The following NDE1 variants were observed in gnomAD, a reference collection of about 807,000 sequenced individuals.
The protein encoded by NDE1 is nudE neurodevelopment protein 1.
NDE1 carries 28 observed loss-of-function variants against 43.4 expected under a neutral mutation model. The observed-to-expected ratio is 0.65, with a 90% confidence interval of 0.48 to 0.89. The LOEUF (loss-of-function observed/expected upper bound fraction) is 0.89. Among genes scored for constraint, NDE1 ranks in the 40% least tolerant of loss-of-function variants. The pLI, the probability that NDE1 is intolerant of heterozygous loss-of-function variation, is 0.00. For synonymous variants in NDE1, 184 were observed against 172.0 expected (o/e 1.07, Z -0.55); for missense variants, 441 against 434.1 (o/e 1.02, Z -0.14).
chr16:15,720,975 T>C, intron 8 of NDE1: 1 of 1,614,100 alleles, frequency 6.2e-7, no homozygotes, highest in Non-Finnish European at 8.5e-7. Context: ...CAGCTCGTCC[T>C]CCAGCTCTTC....
chr16:15,689,381 A>C (rs957733331), intron 5 of NDE1, among the ~76,000 whole-genome samples: 6 of 152,120 alleles, frequency 3.9e-5, no homozygotes, highest in Non-Finnish European at 7.4e-5. Context: ...AGTTCCAGCT[A>C]CTTAGGAGGC....
Position 15,667,434 on chromosome 16 carries a change from A to G in NDE1, c.232A>G (p.Ile78Val). The G allele has an allele frequency of 6.2e-7, 1 of 1,613,834 alleles. No homozygotes were observed. The highest frequency in any genetic ancestry group is 8.5e-7 in the Non-Finnish European group (1 of 1,179,848). ...CCGCCTTCGCATGGAGCTGGAAACC[A>G]TCAAGGTGAGGGGCTGAGAGGAAGT... ...NNRLRMELET[I>V]KEKFEVQHSE... The change falls in exon 3 of 9, where the codon ATC becomes GTC. Residue 78 changes from isoleucine (I) to valine (V), a missense_variant. Coordinates refer to ENST00000396354, the MANE Select transcript of NDE1 (RefSeq NM_017668.3).
chr16:15,697,386 G>C (rs537028770), intron 8 of NDE1, among the ~76,000 whole-genome samples: 1 of 152,072 alleles, frequency 6.6e-6, no homozygotes, highest in African/African-American at 2.4e-5. Flanking sequence ...TGCTACTCAC[G>C]GTTACACTGT....
chr16:15,656,839 C>T (rs1215534736), intron 1 of NDE1, among the ~76,000 whole-genome samples: 1 of 152,086 alleles, frequency 6.6e-6, no homozygotes, highest in Non-Finnish European at 1.5e-5. Flanking sequence ...CAGCACCCTG[C>T]CAGGCTTGGG....
chr16:15,724,548 A>G lies in NDE1; in HGVS notation c.*297A>G. 6.2e-7 allele frequency: 1 copy of G among 1,606,990 alleles called. No individual in the cohort carries two copies. The stretch of plus-strand genomic sequence containing the variant: ...AGCAGGGGAAGCTGGGGGGTCAAGC[A>G]CCATCGCACCAACACTCCACCGCGA... On this transcript the variant is annotated 3_prime_UTR_variant, in exon 9 of 9. Transcript: ENST00000396354.
At chr16:15,718,609 C>T in intron 8 of NDE1, 1 of 1,047,928 alleles carries the variant, frequency 9.5e-7, no homozygotes, top group East Asian at 2.6e-5. Flanking sequence ...AAGTGGACAG[C>T]CGGGACTCAG....
chr16:15,664,939 C>T lies in NDE1; in HGVS notation c.83+78C>T, dbSNP rs370872712. The T allele has an allele frequency of 4.1e-5, 47 of 1,147,920 alleles. 1 individual carries two copies. The highest frequency in any genetic ancestry group is 2.4e-4 in the East Asian group (10 of 42,452). The allele number at this position is 1,147,920 out of a possible 1,614,324, so 71.1% of individuals were successfully genotyped here. A position where few individuals can be genotyped will look rare whatever the true frequency, so the allele number is the denominator to read the frequency against. Reference sequence around the variant, plus strand: ...CCTGCTATGTTACCTAGGCTGAGTGCGGTGGCTGTTCCTAGGCGTGATCAT... The same window carrying T: ...CCTGCTATGTTACCTAGGCTGAGTGTGGTGGCTGTTCCTAGGCGTGATCAT... On this transcript the variant is annotated intron_variant, in intron 2 of 8. Transcript: ENST00000396354.
chr16:15,715,152 G>A (rs762653355), intron 8 of NDE1: 1 of 1,613,202 alleles, frequency 6.2e-7, no homozygotes, highest in South Asian at 1.1e-5. Context: ...GAGGCTGGGT[G>A]GCAGGGGCTA....
chr16:15,675,230 C>T (rs2037807370), intron 3 of NDE1, among the ~76,000 whole-genome samples: 1 of 151,010 alleles, frequency 6.6e-6, no homozygotes. Context: ...GAGAGTTTTG[C>T]TCTTGTTGCC....
intron 8 of NDE1, among the ~76,000 whole-genome samples, chr16:15,708,213 T>C (rs1395653344): frequency 6.6e-6 from 1 of 152,128 alleles, no homozygotes; most frequent in Non-Finnish European, 1.5e-5. Context: ...GCCCCCGGCA[T>C]TTGTCAGACA....
intron 6 of NDE1, among the ~76,000 whole-genome samples, 174 bp from the exon 7 acceptor site, chr16:15,693,991 A>G (rs1173415816): frequency 4.6e-5 from 7 of 152,226 alleles, no homozygotes; most frequent in African/African-American, 1.4e-4. Context: ...ATTGGTTGTC[A>G]TACGGGCCTT....
At chr16:15,684,632 T>C (rs962239548) in intron 4 of NDE1, 2 of 149,418 alleles carry the variant, frequency 1.3e-5, no homozygotes, top group African/African-American at 5.0e-5. Flanking sequence ...AGAAGCAAAA[T>C]AGATTTTGAC....
chr16:15,719,757 C>T (rs2151204993), intron 8 of NDE1: 1 of 1,613,216 alleles, frequency 6.2e-7, no homozygotes, highest in South Asian at 1.1e-5. Context: ...GTCCTTACTC[C>T]CCCAAGTTCT....
At chr16:15,672,740 T>A (rs1173655566) in intron 3 of NDE1, 1 of 152,268 alleles carries the variant, frequency 6.6e-6, no homozygotes, top group Non-Finnish European at 1.5e-5. Flanking sequence ...GCCCACTCGC[T>A]GCGTCCTCCT....
chr16:15,658,899 T>C (rs1466271620), intron 1 of NDE1, among the ~76,000 whole-genome samples: 2 of 152,170 alleles, frequency 1.3e-5, no homozygotes, highest in African/African-American at 4.8e-5. Flanking sequence ...TCAAGTCATC[T>C]GCCTGCCTCA....
At chr16:15,644,119 C>T (rs2036238011) in intron 1 of NDE1, among the ~76,000 whole-genome samples, 1 of 152,134 alleles carries the variant, frequency 6.6e-6, no homozygotes, top group Non-Finnish European at 1.5e-5. Flanking sequence ...AAGCAAAGCA[C>T]ATATTGTGTA....
chr16:15,644,702 G>A (rs1372745324), intron 1 of NDE1, among the ~76,000 whole-genome samples: 1 of 152,098 alleles, frequency 6.6e-6, no homozygotes, highest in Admixed American at 6.5e-5. Context: ...TGAAAAACCC[G>A]TTTCTAGCGT....
intron 3 of NDE1, among the ~76,000 whole-genome samples, chr16:15,674,138 G>A (rs568270989): frequency 2.0e-5 from 3 of 152,226 alleles, no homozygotes; most frequent in African/African-American, 7.2e-5. Flanking sequence ...ATTGAGAAGT[G>A]CGCTGGACTG....
chr16:15,669,779 G>A (rs555381899), intron 3 of NDE1, among the ~76,000 whole-genome samples: 20 of 152,286 alleles, frequency 1.3e-4, no homozygotes, highest in African/African-American at 4.8e-4. Flanking sequence ...ACAAGCATGA[G>A]TCACCCCGCC....
Sources: gnomAD v4.1 joint callset for allele counts (sites outside exome capture counted in the v4.1 genomes callset) on GRCh38, gnomAD v4.1.1 for gene constraint, MANE v1.5 for transcripts, NCBI Gene and HGNC (gene_info 2026-07-23, HGNC 2026-07-21) for gene names.